Variants in PDCD10 observed in about 807,000 individuals in gnomAD.
PDCD10 encodes programmed cell death 10, also known as programmed cell death protein 10.
In PDCD10, 4 loss-of-function variants were observed where a neutral mutation model predicts 29.2. That is an observed-to-expected ratio of 0.14 (90% confidence interval 0.07 to 0.31). The LOEUF (loss-of-function observed/expected upper bound fraction) is 0.31. PDCD10 is among the 10% of genes least tolerant of loss of function. The pLI, the probability that PDCD10 is intolerant of heterozygous loss-of-function variation, is 1.00. For missense variants in PDCD10, 183 were observed against 257.9 expected (o/e 0.71, Z 1.99); for synonymous variants, 70 against 82.2 (o/e 0.85, Z 0.80).
intron 4 of PDCD10, among the ~76,000 whole-genome samples, chr3:167,700,513 A>C (rs1721291407): frequency 6.6e-6 from 1 of 152,192 alleles, no homozygotes; most frequent in African/African-American, 2.4e-5. Context: ...TCATGAAACA[A>C]AGCCATTGCT....
At chr3:167,725,256 CAAAAAAGAAAAA>C (rs757157204) in intron 2 of PDCD10, 28,681 of 83,010 alleles carry the variant, frequency 0.35, 2,714 homozygotes, top group Non-Finnish European at 0.36. Context: ...GACTCTGTCT[CAAAAAAGAAAAA>C]AAAAAAAAAA....
chr3:167,713,164 A>T (rs1268414865), intron 3 of PDCD10, among the ~76,000 whole-genome samples: 1 of 152,116 alleles, frequency 6.6e-6, no homozygotes, highest in Non-Finnish European at 1.5e-5. Context: ...CAGCACATGG[A>T]TCATTCTCAA....
At chr3:167,727,466 T>C (rs1724314388) in intron 2 of PDCD10, among the ~76,000 whole-genome samples, 1 of 152,204 alleles carries the variant, frequency 6.6e-6, no homozygotes, top group Admixed American at 6.5e-5. Flanking sequence ...CCCTTGAATA[T>C]GTTCATCTTT....
intron 6 of PDCD10, 87 bp downstream of exon 6, chr3:167,695,505 AAGTT>A: frequency 1.8e-6 from 2 of 1,124,642 alleles, no homozygotes; most frequent in Non-Finnish European, 1.4e-6. Context: ...TAAGCATTTC[AAGTT>A]AGTCATACCA....
At chr3:167,712,255 TGA>T (rs1322289052) in intron 3 of PDCD10, among the ~76,000 whole-genome samples, 1 of 151,826 alleles carries the variant, frequency 6.6e-6, no homozygotes, top group East Asian at 1.9e-4. Flanking sequence ...AGTTAAAAAA[TGA>T]GAGGGATGAA....
intron 8 of PDCD10, among the ~76,000 whole-genome samples, chr3:167,685,880 C>A (rs553492026): frequency 6.6e-6 from 1 of 152,052 alleles, no homozygotes; most frequent in Non-Finnish European, 1.5e-5. Context: ...TATGGAACAC[C>A]ACCACAAAAC....
At chr3:167,696,036 A>G (rs2108405440) in intron 5 of PDCD10, among the ~76,000 whole-genome samples, 1 of 152,152 alleles carries the variant, frequency 6.6e-6, no homozygotes, top group Admixed American at 6.5e-5. Context: ...CTTAAGTTCA[A>G]CCGTACTCTG....
rs371550018 is a variant in PDCD10, at chr3:167,699,035, TA to T, written c.151-1910del. Reference sequence around the variant, plus strand: ...TATAGTGTCCTAACTACCTAGCCTTTAAAAAAATAATACACATAAATTGAAA... The same window carrying T: ...TATAGTGTCCTAACTACCTAGCCTTTAAAAAATAATACACATAAATTGAAA... On this transcript the variant is annotated intron_variant, in intron 4 of 8. Coordinates refer to ENST00000392750, the MANE Select transcript of PDCD10 (RefSeq NM_007217.4). Among the ~76,000 whole-genome samples the T allele has an allele frequency of 7.2e-5, 11 of 152,248 alleles. No homozygotes were observed. The East Asian group carries it at 1.7e-3, about 24-fold the overall frequency.
Position 167,730,031 on chromosome 3 carries a change from G to A in PDCD10, c.-117+4183C>T, listed in dbSNP as rs1724635910. On this transcript the variant is annotated intron_variant, in intron 2 of 8. Coordinates refer to ENST00000392750, the MANE Select transcript of PDCD10 (RefSeq NM_007217.4). The stretch of plus-strand genomic sequence containing the variant: ...TACATAACCAAAAATGTAAGGGTGA[G>A]CTTGAAAAATAAGTGTAATATAATA... Among the ~76,000 whole-genome samples, 4 of 152,198 alleles carry A rather than the reference G, an allele frequency of 2.6e-5. No individual in the cohort carries two copies. The Middle Eastern group carries it at 0.01, about 388-fold the overall frequency.
intron 3 of PDCD10, among the ~76,000 whole-genome samples, chr3:167,707,107 T>C (rs1342624828): frequency 6.6e-6 from 1 of 152,172 alleles, no homozygotes; most frequent in Admixed American, 6.5e-5. Flanking sequence ...GAAGCAGCTA[T>C]ATGAAAAGTG....
intron 2 of PDCD10, among the ~76,000 whole-genome samples, chr3:167,723,440 G>T (rs1342803273): frequency 6.6e-6 from 1 of 152,062 alleles, no homozygotes. Flanking sequence ...TCTGGAGTAG[G>T]TGCTGATTAT....
intron 2 of PDCD10, among the ~76,000 whole-genome samples, chr3:167,720,744 A>C: frequency 6.6e-6 from 1 of 152,118 alleles, no homozygotes; most frequent in East Asian, 1.9e-4. Flanking sequence ...TTTTTATTAA[A>C]ACCTTTTTGC....
chr3:167,702,141 C>T (rs938753839), intron 4 of PDCD10, among the ~76,000 whole-genome samples: 1 of 152,106 alleles, frequency 6.6e-6, no homozygotes, highest in African/African-American at 2.4e-5. Context: ...AGAGAAATGA[C>T]AAAGCAAATA....
chr3:167,716,228 T>A (rs570100242), intron 3 of PDCD10, among the ~76,000 whole-genome samples: 1 of 151,942 alleles, frequency 6.6e-6, no homozygotes, highest in East Asian at 1.9e-4. Context: ...ATAATTGAAC[T>A]CATGGAGATA....
intron 3 of PDCD10, among the ~76,000 whole-genome samples, chr3:167,708,542 A>G (rs1055840200): frequency 6.6e-6 from 1 of 152,248 alleles, no homozygotes; most frequent in African/African-American, 2.4e-5. Context: ...GGGCCAACTT[A>G]CAAGAATAAA....
At chr3:167,686,528 T>G (rs535225262) in intron 8 of PDCD10, among the ~76,000 whole-genome samples, 1 of 152,328 alleles carries the variant, frequency 6.6e-6, no homozygotes, top group South Asian at 2.1e-4. Context: ...TGTCCTCAAG[T>G]GACTCTAATG....
chr3:167,726,213 T>C (rs1230385972), intron 2 of PDCD10, among the ~76,000 whole-genome samples: 1 of 148,958 alleles, frequency 6.7e-6, no homozygotes, highest in Non-Finnish European at 1.5e-5. Flanking sequence ...CGATTCCCCT[T>C]CCTCAGCCTC....
At chr3:167,686,773 A>T (rs374747767) in intron 8 of PDCD10, among the ~76,000 whole-genome samples, 1 of 152,240 alleles carries the variant, frequency 6.6e-6, no homozygotes, top group Non-Finnish European at 1.5e-5. Context: ...AGGAGTGTAT[A>T]AAGTAGGCCA....
intron 6 of PDCD10, among the ~76,000 whole-genome samples, chr3:167,692,012 A>C (rs969447104): frequency 1.3e-5 from 2 of 152,258 alleles, no homozygotes; most frequent in Non-Finnish European, 2.9e-5. Flanking sequence ...TGATTATATA[A>C]ACCTACTTCG....
Sources: gnomAD v4.1 joint callset for allele counts (sites outside exome capture counted in the v4.1 genomes callset) on GRCh38, gnomAD v4.1.1 for gene constraint, MANE v1.5 for transcripts, NCBI Gene and HGNC (gene_info 2026-07-23, HGNC 2026-07-21) for gene names.